The following KCTD16 variants were observed in gnomAD, a reference collection of about 807,000 sequenced individuals.
The protein encoded by KCTD16 is BTB/POZ domain-containing protein KCTD16.
Under a neutral mutation model 33.2 loss-of-function variants are expected in KCTD16, and 13 were observed. The observed-to-expected ratio is 0.39, with a 90% CI of 0.25 to 0.62. The LOEUF (loss-of-function observed/expected upper bound fraction) is 0.62. Among genes scored for constraint, KCTD16 ranks in the 20% least tolerant of loss-of-function variants. The pLI is 0.50. For missense variants in KCTD16, 441 were observed against 525.1 expected (o/e 0.84, Z 1.57); for synonymous variants, 197 against 195.3 (o/e 1.01, Z -0.07).
intron 3 of KCTD16, among the ~76,000 whole-genome samples, chr5:144,411,139 C>T (rs939171829): frequency 1.2e-4 from 18 of 151,888 alleles, no homozygotes; most frequent in Admixed American, 6.6e-5. Flanking sequence ...TAGTGCAATC[C>T]CTATCAAAAT....
chr5:144,295,283 A>G (rs1369152566), intron 3 of KCTD16, among the ~76,000 whole-genome samples: 1 of 152,216 alleles, frequency 6.6e-6, no homozygotes, highest in African/African-American at 2.4e-5. Context: ...AGTGCCTAGC[A>G]TACTGCCTGG....
At chr5:144,224,972 A>C (rs1272748652) in intron 3 of KCTD16, among the ~76,000 whole-genome samples, 1 of 152,206 alleles carries the variant, frequency 6.6e-6, no homozygotes, top group Non-Finnish European at 1.5e-5. Context: ...AAGTTTAAGA[A>C]AAGTTCATAG....
intron 3 of KCTD16, among the ~76,000 whole-genome samples, chr5:144,214,483 A>G (rs1753499771): frequency 6.6e-6 from 1 of 152,126 alleles, no homozygotes; most frequent in African/African-American, 2.4e-5. Context: ...CATGAACCAC[A>G]TCCTTTTGTG....
chr5:144,457,819 G>A (rs143419741), intron 3 of KCTD16, among the ~76,000 whole-genome samples: 1 of 152,274 alleles, frequency 6.6e-6, no homozygotes, highest in East Asian at 1.9e-4. Flanking sequence ...GAAAAACAGA[G>A]ATTTAAAGAA....
intron 3 of KCTD16, among the ~76,000 whole-genome samples, chr5:144,278,558 C>T (rs1324633003): frequency 2.2e-5 from 3 of 134,606 alleles, no homozygotes; most frequent in South Asian, 4.4e-4. Flanking sequence ...ACTGCAGTGG[C>T]GCAATCTTGG....
intron 3 of KCTD16, among the ~76,000 whole-genome samples, chr5:144,400,180 G>T (rs1752670712): frequency 6.6e-6 from 1 of 152,214 alleles, no homozygotes; most frequent in Non-Finnish European, 1.5e-5. Flanking sequence ...GTGGGGATAG[G>T]TGCCTGCTGG....
intron 3 of KCTD16, among the ~76,000 whole-genome samples, chr5:144,417,900 G>A (rs528045334): frequency 3.9e-5 from 6 of 152,142 alleles, no homozygotes; most frequent in Non-Finnish European, 7.4e-5. Context: ...CTGACTTCAA[G>A]AATGAAGCTA....
chr5:144,331,158 G>A (rs953360262), intron 3 of KCTD16, among the ~76,000 whole-genome samples: 2 of 152,140 alleles, frequency 1.3e-5, no homozygotes, highest in African/African-American at 4.8e-5. Flanking sequence ...GTATTCCTTG[G>A]TCGCCAAAAG....
intron 3 of KCTD16, among the ~76,000 whole-genome samples, chr5:144,359,570 C>G (rs1751656296): frequency 6.6e-6 from 1 of 151,672 alleles, no homozygotes; most frequent in African/African-American, 2.4e-5. Flanking sequence ...GCTTCTATCT[C>G]TAGAACAATG....
Position 144,473,992 on chromosome 5 carries a change from C to G in KCTD16, c.1165C>G (p.Leu389Val). 6.2e-7 allele frequency: 1 copy of G among 1,614,046 alleles called. No homozygotes were observed. Among genetic ancestry groups the G allele is most frequent in the Non-Finnish European group, 8.5e-7 (1 of 1,179,988 alleles). Residue 389 changes from leucine (L) to valine (V), a missense_variant, in exon 4 of 4, where the codon CTC becomes GTC. Physicochemically the swap from Leu to Val is conservative, Grantham distance 32. Around this residue, in one of 3 missense-constraint regions of KCTD16, gnomAD observed 355 missense variants for 413.0 expected, o/e 0.86. Coordinates refer to ENST00000512467, the MANE Select transcript of KCTD16 (RefSeq NM_020768.4). ...SSKKKAVKEK[L>V]SIEEELEKCI... Reference sequence around the variant, plus strand: ...CAAAAAAAAAGCTGTTAAAGAAAAGCTCTCAATTGAGGAGGAGCTGGAGAA... The same window carrying G: ...CAAAAAAAAAGCTGTTAAAGAAAAGGTCTCAATTGAGGAGGAGCTGGAGAA...
chr5:144,447,997 C>T (rs1039337590), intron 3 of KCTD16, among the ~76,000 whole-genome samples: 2 of 151,952 alleles, frequency 1.3e-5, no homozygotes, highest in Non-Finnish European at 2.9e-5. Flanking sequence ...GTTTAAGGAC[C>T]ACTAACTAGA....
rs1212016977 is a variant in KCTD16, at chr5:144,475,280, G to C, written c.*1166G>C. On this transcript the variant is annotated 3_prime_UTR_variant, in exon 4 of 4. Coordinates refer to ENST00000512467, the MANE Select transcript of KCTD16 (RefSeq NM_020768.4). ...AAACTACAAAGCTACATTTTTACTT[G>C]CTTGTAGCCGTTTTTGTTTGCCTTT... The C allele has an allele frequency of 1.3e-5, 2 of 152,114 alleles. No homozygotes were observed. Among genetic ancestry groups the C allele is most frequent in the Non-Finnish European group, 2.9e-5 (2 of 68,014 alleles). The allele number at this position is 152,114 out of a possible 1,614,324, so 9.4% of individuals were successfully genotyped here.
chr5:144,234,222 A>G (rs1270695149), intron 3 of KCTD16, among the ~76,000 whole-genome samples: 1 of 152,148 alleles, frequency 6.6e-6, no homozygotes, highest in Non-Finnish European at 1.5e-5. Context: ...AAAAGTCAAG[A>G]CAAATTGTTC....
intron 3 of KCTD16, among the ~76,000 whole-genome samples, chr5:144,238,763 T>C (rs562875654): frequency 1.3e-5 from 2 of 152,262 alleles, no homozygotes; most frequent in South Asian, 4.1e-4. Context: ...AACAACTCAT[T>C]TGAGCTTTTT....
chr5:144,249,186 A>G (rs74925536), intron 3 of KCTD16, among the ~76,000 whole-genome samples: 1,776 of 152,276 alleles, frequency 0.012, 15 homozygotes, highest in Middle Eastern at 0.031. Context: ...TTTCTTGAAC[A>G]TGCTAAGATC....
intron 3 of KCTD16, among the ~76,000 whole-genome samples, chr5:144,462,538 T>A (rs1754221732): frequency 6.7e-6 from 1 of 150,278 alleles, no homozygotes. Flanking sequence ...GCTATTATTT[T>A]TTTTTTTGAA....
intron 3 of KCTD16, among the ~76,000 whole-genome samples, chr5:144,252,185 C>T (rs947524683): frequency 3.3e-5 from 5 of 152,180 alleles, no homozygotes; most frequent in South Asian, 2.1e-4. Context: ...CTACAGCCAG[C>T]GTGCTGTATA....
At chr5:144,184,515 T>A (rs1752687188) in intron 2 of KCTD16, among the ~76,000 whole-genome samples, 1 of 152,178 alleles carries the variant, frequency 6.6e-6, no homozygotes, top group Non-Finnish European at 1.5e-5. Flanking sequence ...TCAATTCTTT[T>A]GGATATATAC....
At chr5:144,353,601 A>G (rs1014718885) in intron 3 of KCTD16, among the ~76,000 whole-genome samples, 2 of 152,214 alleles carry the variant, frequency 1.3e-5, no homozygotes, top group African/African-American at 2.4e-5. Flanking sequence ...AGCACTCTAT[A>G]ATAATGTACA....
Sources: allele counts gnomAD v4.1 joint callset (sites outside exome capture counted in the v4.1 genomes callset), GRCh38; gene constraint gnomAD v4.1.1; regional missense constraint gnomAD v4.1.1; transcripts MANE v1.5; gene names NCBI Gene and HGNC (gene_info 2026-07-23, HGNC 2026-07-21).